The following TASP1 variants were observed in gnomAD, a reference collection of about 807,000 sequenced individuals.
The protein encoded by TASP1 is threonine aspartase 1.
TASP1 carries 16 observed loss-of-function variants against 56.6 expected under a neutral mutation model. The ratio of observed to expected loss-of-function variants is 0.28; its 90% CI spans 0.19 to 0.43. TASP1 has a LOEUF of 0.43. TASP1 is among the 20% of genes least tolerant of loss of function. The pLI is 1.00. For missense variants in TASP1, 393 were observed against 511.6 expected (o/e 0.77, Z 2.24); for synonymous variants, 179 against 184.2 (o/e 0.97, Z 0.23).
the TASP1 span, among the ~76,000 whole-genome samples, chr20:13,375,546 G>A: frequency 6.6e-6 from 1 of 152,138 alleles, no homozygotes; most frequent in Non-Finnish European, 1.5e-5. Flanking sequence ...ATAAACATAT[G>A]TGTGCATATG....
intron 4 of TASP1, among the ~76,000 whole-genome samples, chr20:13,589,137 G>T (rs546886542): frequency 8.2e-5 from 12 of 145,808 alleles, no homozygotes; most frequent in Admixed American, 3.5e-4. Flanking sequence ...GGCTCACTGC[G>T]AGCTCTGCCT....
chr20:13,512,534 T>A (rs1014462880), intron 10 of TASP1, among the ~76,000 whole-genome samples: 17 of 152,352 alleles, frequency 1.1e-4, no homozygotes, highest in African/African-American at 4.1e-4. Context: ...TGCAAAACTT[T>A]TCTCCCATTC....
chr20:13,400,028 G>A (rs548501116), intron 13 of TASP1, among the ~76,000 whole-genome samples: 23 of 152,178 alleles, frequency 1.5e-4, no homozygotes, highest in South Asian at 1.0e-3. Context: ...CCTACCTAAC[G>A]CTGGAATCCC....
chr20:13,573,723 T>C lies in TASP1; in HGVS notation c.489-4137A>G, dbSNP rs150239202. On this transcript the variant is annotated intron_variant, in intron 6 of 13. Transcript: ENST00000337743. ...ACAGGGAACAAAGTTACCCTCTTATTTGAAGTGGTGAAAAAAACAAAAGAC... is the reference window on the plus strand; with the variant it reads ...ACAGGGAACAAAGTTACCCTCTTATCTGAAGTGGTGAAAAAAACAAAAGAC... Among the ~76,000 whole-genome samples the C allele has an allele frequency of 1.6e-4, 24 of 152,254 alleles. No individual in the cohort carries two copies. In the East Asian group the frequency reaches 4.6e-3, roughly 29 times the overall value.
the TASP1 span, among the ~76,000 whole-genome samples, chr20:13,289,033 G>T: frequency 2.3e-3 from 350 of 152,186 alleles, 2 homozygotes; most frequent in African/African-American, 8.2e-3. Flanking sequence ...TGATCCGCCC[G>T]CCTCAGCCTC....
chr20:13,481,416 C>T (rs1430424122), intron 11 of TASP1, among the ~76,000 whole-genome samples: 2 of 151,998 alleles, frequency 1.3e-5, no homozygotes, highest in African/African-American at 4.8e-5. Context: ...ATACTGCTTC[C>T]CTTCTTTTGG....
At chr20:13,209,286 G>A in the TASP1 span, among the ~76,000 whole-genome samples, 1 of 152,134 alleles carries the variant, frequency 6.6e-6, no homozygotes, top group Admixed American at 6.6e-5. Context: ...AGATTTTGGT[G>A]TTTTTGTTAA....
the TASP1 span, among the ~76,000 whole-genome samples, chr20:13,335,471 A>G: frequency 3.1e-3 from 472 of 152,226 alleles, 2 homozygotes; most frequent in African/African-American, 0.011. Context: ...GTTTGGAGAA[A>G]AGCCCCATCC....
chr20:13,106,515 A>G, the TASP1 span, among the ~76,000 whole-genome samples: 1 of 152,144 alleles, frequency 6.6e-6, no homozygotes, highest in East Asian at 1.9e-4. Flanking sequence ...AGACAAGAGG[A>G]AAAAAAGCAT....
the TASP1 span, among the ~76,000 whole-genome samples, chr20:13,367,089 T>A: frequency 3.2e-3 from 484 of 152,282 alleles, 1 homozygote; most frequent in East Asian, 0.011. Context: ...TATATAAATA[T>A]TTAGCTAGGC....
chr20:13,129,262 A>T, the TASP1 span, among the ~76,000 whole-genome samples: 2 of 152,100 alleles, frequency 1.3e-5, no homozygotes. Context: ...CCAGGCTCCT[A>T]AAGTGCTGGG....
At chr20:13,129,632 AT>A in the TASP1 span, among the ~76,000 whole-genome samples, 2 of 152,370 alleles carry the variant, frequency 1.3e-5, no homozygotes, top group South Asian at 4.1e-4. Context: ...TTTGGTCTAT[AT>A]GTCATCCGAA....
intron 4 of TASP1, among the ~76,000 whole-genome samples, chr20:13,611,559 T>C (rs2048348651): frequency 6.6e-6 from 1 of 152,234 alleles, no homozygotes; most frequent in African/African-American, 2.4e-5. Context: ...TACTATTAGT[T>C]TGGTAGAAAT....
chr20:13,229,249 T>C, the TASP1 span, among the ~76,000 whole-genome samples: 1 of 152,194 alleles, frequency 6.6e-6, no homozygotes, highest in Non-Finnish European at 1.5e-5. Flanking sequence ...CAGTTGTATA[T>C]GCCTATATAG....
chr20:13,478,198 T>A (rs972936374), intron 11 of TASP1, among the ~76,000 whole-genome samples: 2 of 152,120 alleles, frequency 1.3e-5, no homozygotes, highest in African/African-American at 4.8e-5. Flanking sequence ...GAACCGCAAT[T>A]ATTTTTGCAC....
At chr20:13,584,165 T>C (rs371933824) in intron 5 of TASP1, among the ~76,000 whole-genome samples, 103 of 152,332 alleles carry the variant, frequency 6.8e-4, no homozygotes, top group African/African-American at 2.3e-3. Context: ...ACTGTACTTA[T>C]TGTTATTCAA....
At chr20:13,534,307 A>T (rs1178480396) in intron 8 of TASP1, among the ~76,000 whole-genome samples, 166 bp from the exon 9 acceptor site, 1 of 150,846 alleles carries the variant, frequency 6.6e-6, no homozygotes, top group Non-Finnish European at 1.5e-5. Flanking sequence ...GTTGCCATTT[A>T]AATCCTATTT....
At chr20:13,415,523 C>G (rs1436597895) in intron 13 of TASP1, among the ~76,000 whole-genome samples, 2 of 150,764 alleles carry the variant, frequency 1.3e-5, no homozygotes, top group Non-Finnish European at 2.9e-5. Context: ...ATTAACTCTC[C>G]TCAAGGAAGG....
chr20:13,277,755 A>C, the TASP1 span, among the ~76,000 whole-genome samples: 1 of 151,784 alleles, frequency 6.6e-6, no homozygotes, highest in African/African-American at 2.4e-5. Flanking sequence ...TAAAGCTAGT[A>C]GTGCCCTTCT....
Sources: gnomAD v4.1 joint callset for allele counts (sites outside exome capture counted in the v4.1 genomes callset) on GRCh38, gnomAD v4.1.1 for gene constraint, MANE v1.5 for transcripts, NCBI Gene and HGNC (gene_info 2026-07-23, HGNC 2026-07-21) for gene names.